INTS6: variants seen among roughly 807,000 people sequenced by gnomAD.
INTS6 encodes the protein DEAD box protein.
A neutral mutation model predicts 104.9 loss-of-function variants in INTS6; 16 were observed. The ratio of observed to expected loss-of-function variants is 0.15; its 90% confidence interval spans 0.10 to 0.23. The LOEUF (loss-of-function observed/expected upper bound fraction) is 0.23, where lower values mean the gene tolerates loss of function less well. INTS6 is among the 10% of genes least tolerant of loss of function. INTS6 has a pLI of 1.00. For synonymous variants in INTS6, 324 were observed against 358.7 expected, an observed-to-expected ratio of 0.90 and a Z score of 1.09; for missense variants, 584 against 1,062.8, an observed-to-expected ratio of 0.55 and a Z score of 6.26.
At chr13:51,430,248 T>G in intron 4 of INTS6, 46 bp downstream of exon 4, 1 of 1,493,168 alleles carries the variant, frequency 6.7e-7, no homozygotes, top group South Asian at 1.1e-5. Context: ...AATAAAGGAT[T>G]GTTCAACTGC....
intron 17 of INTS6, among the ~76,000 whole-genome samples, chr13:51,367,118 T>C (rs1308840571): frequency 6.6e-6 from 1 of 152,006 alleles, no homozygotes; most frequent in Non-Finnish European, 1.5e-5. Flanking sequence ...AATATTTGCA[T>C]GTAACCTATG....
intron 4 of INTS6, among the ~76,000 whole-genome samples, chr13:51,413,224 T>A (rs1017460817): frequency 1.3e-5 from 2 of 152,004 alleles, no homozygotes; most frequent in East Asian, 3.9e-4. Context: ...AGGGTCAAAA[T>A]AGAATCCTAT....
the INTS6 span, among the ~76,000 whole-genome samples, chr13:51,340,495 C>T: frequency 1.3e-5 from 2 of 152,036 alleles, no homozygotes; most frequent in Non-Finnish European, 2.9e-5. Flanking sequence ...TCATAGAAGA[C>T]CAGGATTTGA....
chr13:51,354,457 A>C (rs1289519207), intron 3 of INTS6: 1 of 152,152 alleles, frequency 6.6e-6, no homozygotes, highest in East Asian at 1.9e-4. Context: ...TTTTATTAAG[A>C]AATACAAATG....
At chr13:51,435,618 T>A (rs1032979461) in intron 3 of INTS6, among the ~76,000 whole-genome samples, 5 of 151,990 alleles carry the variant, frequency 3.3e-5, no homozygotes, top group African/African-American at 7.2e-5. Flanking sequence ...TGAAAAAAAA[T>A]TTTGAAAATA....
intron 3 of INTS6, among the ~76,000 whole-genome samples, chr13:51,435,138 C>CA (rs1038628375): frequency 7.4e-4 from 108 of 146,746 alleles, no homozygotes; most frequent in Non-Finnish European, 9.5e-4. Context: ...ATATTTAAAA[C>CA]AAAAAAAAAA....
chr13:51,354,775 A>G (rs1402589466), intron 3 of INTS6, among the ~76,000 whole-genome samples: 1 of 152,206 alleles, frequency 6.6e-6, no homozygotes, highest in Non-Finnish European at 1.5e-5. Context: ...GGAGGAGGTA[A>G]CAACTGAAAA....
At chr13:51,430,518 C>G (rs557521082) in intron 3 of INTS6, 135 bp from the exon 4 acceptor site, 2 of 554,148 alleles carry the variant, frequency 3.6e-6, no homozygotes, top group African/African-American at 3.8e-5. Context: ...CCTGTTTGTA[C>G]ATTTTAAGAA....
At chr13:51,368,885 CT>C in intron 16 of INTS6, 53 bp downstream of exon 16, 2 of 1,485,004 alleles carry the variant, frequency 1.3e-6, no homozygotes, top group Non-Finnish European at 8.9e-7. Context: ...TTCTTTTTTG[CT>C]TTTTGAGCAC....
chr13:51,433,327 G>T (rs1455987147), intron 3 of INTS6, among the ~76,000 whole-genome samples: 1 of 152,194 alleles, frequency 6.6e-6, no homozygotes, highest in Non-Finnish European at 1.5e-5. Flanking sequence ...CATGCCTGTA[G>T]TGCCCAGCTA....
chr13:51,427,732 G>C (rs537296937), intron 4 of INTS6, among the ~76,000 whole-genome samples: 1 of 152,182 alleles, frequency 6.6e-6, no homozygotes, highest in South Asian at 2.1e-4. Flanking sequence ...AATCAATTTT[G>C]AACTCAATGA....
At chr13:51,372,729 T>A (rs1955835876) in intron 15 of INTS6, among the ~76,000 whole-genome samples, 1 of 152,224 alleles carries the variant, frequency 6.6e-6, no homozygotes, top group Non-Finnish European at 1.5e-5. Context: ...GGTCCCAACA[T>A]CTGACCAGTA....
intron 4 of INTS6, among the ~76,000 whole-genome samples, chr13:51,415,156 G>T (rs1303165625): frequency 1.3e-5 from 2 of 150,608 alleles, no homozygotes; most frequent in Non-Finnish European, 3.0e-5. Context: ...TGTACTAAAT[G>T]GCACAGAACC....
In INTS6 at chr13:51,430,342, T is replaced by C. The variant is rs770051388; in HGVS notation, c.381A>G (p.Thr127=). Residue 127 remains threonine (T), a synonymous_variant, in exon 4 of 18, where the codon ACA becomes ACG. Transcript: ENST00000311234. The part of the protein sequence containing the change: ...PFFLEPAIII[T]ITDGSKLTTT... ...TAGTCAACTTGCTCCCATCAGTAATTGTGATAATTATTGCTGGCTCCAAGA... is the reference window on the plus strand; with the variant it reads ...TAGTCAACTTGCTCCCATCAGTAATCGTGATAATTATTGCTGGCTCCAAGA... 7.4e-6 allele frequency: 12 copies of C among 1,613,166 alleles called. No individual in the cohort carries two copies. Among genetic ancestry groups the C allele is most frequent in the Non-Finnish European group, 9.3e-6 (11 of 1,179,714 alleles).
the INTS6 span, among the ~76,000 whole-genome samples, chr13:51,348,846 G>T: frequency 1.3e-5 from 2 of 152,212 alleles, no homozygotes; most frequent in Non-Finnish European, 2.9e-5. Flanking sequence ...TTACGTAATT[G>T]AGCAAGTACA....
At chr13:51,342,503 C>G in the INTS6 span, among the ~76,000 whole-genome samples, 1 of 152,214 alleles carries the variant, frequency 6.6e-6, no homozygotes. Context: ...CATTTTTTAC[C>G]CTGTCATTGC....
At chr13:51,379,683 T>C in intron 10 of INTS6, 111 bp from the exon 11 acceptor site, 1 of 519,544 alleles carries the variant, frequency 1.9e-6, no homozygotes, top group East Asian at 3.2e-5. Flanking sequence ...CTTCTTTTCC[T>C]CAATAAGGAA....
the INTS6 span, among the ~76,000 whole-genome samples, chr13:51,348,031 G>C: frequency 3.4e-4 from 52 of 152,174 alleles, no homozygotes; most frequent in African/African-American, 1.3e-3. Flanking sequence ...TCTAGGTCTA[G>C]GATTTTTATA....
the INTS6 span, among the ~76,000 whole-genome samples, chr13:51,348,845 T>A: frequency 6.6e-6 from 1 of 152,266 alleles, no homozygotes; most frequent in African/African-American, 2.4e-5. Context: ...CTTACGTAAT[T>A]GAGCAAGTAC....
Sources: gnomAD v4.1 joint callset for allele counts (sites outside exome capture counted in the v4.1 genomes callset) on GRCh38, gnomAD v4.1.1 for gene constraint, MANE v1.5 for transcripts, NCBI Gene and HGNC (gene_info 2026-07-23, HGNC 2026-07-21) for gene names.